The following SERGEF variants were observed in gnomAD, a reference collection of about 807,000 sequenced individuals.
SERGEF encodes the protein secretion-regulating guanine nucleotide exchange factor.
SERGEF carries 51 observed loss-of-function variants against 50.0 expected under a neutral mutation model. The observed-to-expected ratio is 1.02, with a 90% CI of 0.81 to 1.29. SERGEF has a LOEUF of 1.29. SERGEF is among the 50% of genes most tolerant of loss of function. The probability of loss-of-function intolerance (pLI) is 0.00; values close to 1 mark genes in which losing one functional copy is unlikely to be tolerated. For synonymous variants in SERGEF, 205 were observed against 212.4 expected (o/e 0.97, Z 0.30); for missense variants, 521 against 557.0 (o/e 0.94, Z 0.65).
chr11:17,808,279 C>T (rs1430025686), intron 10 of SERGEF, among the ~76,000 whole-genome samples: 1 of 152,192 alleles, frequency 6.6e-6, no homozygotes, highest in Non-Finnish European at 1.5e-5. Flanking sequence ...GTTTAATTGG[C>T]TCACAGTTCT....
chr11:17,917,573 TAAATA>T (rs1852073042), intron 9 of SERGEF, among the ~76,000 whole-genome samples: 1 of 152,076 alleles, frequency 6.6e-6, no homozygotes, highest in Admixed American at 6.5e-5. Flanking sequence ...GAAATATAAA[TAAATA>T]AATGAATAAG....
chr11:17,943,980 T>G (rs545515598), intron 9 of SERGEF, among the ~76,000 whole-genome samples: 1 of 152,306 alleles, frequency 6.6e-6, no homozygotes, highest in East Asian at 1.9e-4. Context: ...CAGGCTAGAG[T>G]GCAGTGGTGC....
chr11:17,953,292 C>T (rs1193685883), intron 9 of SERGEF, among the ~76,000 whole-genome samples: 1 of 152,180 alleles, frequency 6.6e-6, no homozygotes, highest in African/African-American at 2.4e-5. Context: ...GCTTCCCCTA[C>T]CCTAATGCTG....
chr11:17,905,656 C>T (rs1312078629), intron 9 of SERGEF, among the ~76,000 whole-genome samples: 1 of 152,144 alleles, frequency 6.6e-6, no homozygotes, highest in Non-Finnish European at 1.5e-5. Context: ...TCAGAGGTGA[C>T]AGGAGTGAAA....
intron 8 of SERGEF, among the ~76,000 whole-genome samples, chr11:17,962,743 C>A (rs955118102): frequency 1.3e-5 from 2 of 152,166 alleles, no homozygotes; most frequent in East Asian, 3.9e-4. Flanking sequence ...GGAGAAAGAA[C>A]ACCTAAGGGG....
chr11:17,950,380 T>G (rs148784314), intron 9 of SERGEF, among the ~76,000 whole-genome samples: 3 of 152,362 alleles, frequency 2.0e-5, no homozygotes, highest in Non-Finnish European at 4.4e-5. Flanking sequence ...TCTTAAATGC[T>G]TGGCTAAGTT....
At chr11:17,990,835 C>T (rs555265879) in intron 7 of SERGEF, among the ~76,000 whole-genome samples, 49 of 150,744 alleles carry the variant, frequency 3.3e-4, no homozygotes, top group South Asian at 1.1e-3. Flanking sequence ...GGTGTGATCT[C>T]GGCTCACTGC....
intron 4 of SERGEF, among the ~76,000 whole-genome samples, chr11:18,002,272 G>A (rs567720678): frequency 6.6e-6 from 1 of 152,158 alleles, no homozygotes; most frequent in Non-Finnish European, 1.5e-5. Context: ...AGCCACAATT[G>A]TTTCATTTGG....
At chr11:17,886,878 G>T (rs1184537178) in intron 9 of SERGEF, among the ~76,000 whole-genome samples, 1 of 152,156 alleles carries the variant, frequency 6.6e-6, no homozygotes, top group African/African-American at 2.4e-5. Flanking sequence ...GCTTCCTGGG[G>T]CCAAACCTAA....
intron 10 of SERGEF, among the ~76,000 whole-genome samples, chr11:17,849,967 C>T (rs768018096): frequency 2.0e-5 from 3 of 152,018 alleles, no homozygotes; most frequent in Non-Finnish European, 4.4e-5. Flanking sequence ...TTGCTATAAC[C>T]GAATACCACA....
At chr11:17,806,169 T>C (rs535917586) in intron 10 of SERGEF, among the ~76,000 whole-genome samples, 72 of 152,294 alleles carry the variant, frequency 4.7e-4, no homozygotes, top group Non-Finnish European at 6.0e-4. Flanking sequence ...CCCAGCAACA[T>C]GGATGGTTCC....
At chr11:17,951,786 T>G (rs562326371) in intron 9 of SERGEF, among the ~76,000 whole-genome samples, 3 of 152,168 alleles carry the variant, frequency 2.0e-5, no homozygotes, top group Non-Finnish European at 4.4e-5. Context: ...CAGTGACAGC[T>G]TTCTTTCTCA....
chr11:17,878,814 C>T (rs1477362021), intron 9 of SERGEF, among the ~76,000 whole-genome samples: 2 of 152,206 alleles, frequency 1.3e-5, no homozygotes, highest in Non-Finnish European at 2.9e-5. Context: ...CATGCCTCTT[C>T]CTCTACCCAG....
At chr11:17,875,542 C>T (rs1220066791) in intron 10 of SERGEF, among the ~76,000 whole-genome samples, 1 of 152,228 alleles carries the variant, frequency 6.6e-6, no homozygotes, top group Non-Finnish European at 1.5e-5. Flanking sequence ...CTTCTATGTG[C>T]GCTGGGCAGC....
At chr11:17,821,483 A>G (rs1459649715) in intron 10 of SERGEF, among the ~76,000 whole-genome samples, 5 of 152,178 alleles carry the variant, frequency 3.3e-5, no homozygotes, top group Admixed American at 2.6e-4. Flanking sequence ...TTAGCATGGC[A>G]CCAGGTAGAC....
At chr11:18,005,692 G>A (rs368084114) in intron 3 of SERGEF, among the ~76,000 whole-genome samples, 220 of 152,310 alleles carry the variant, frequency 1.4e-3, no homozygotes, top group African/African-American at 5.1e-3. Flanking sequence ...TGAACAGAGA[G>A]GTCAAAACTG....
At chr11:17,919,282 T>C (rs1308187248) in intron 9 of SERGEF, among the ~76,000 whole-genome samples, 1 of 152,062 alleles carries the variant, frequency 6.6e-6, no homozygotes, top group Non-Finnish European at 1.5e-5. Flanking sequence ...GAAGGCTCAA[T>C]ACTGCATCAT....
chr11:17,982,476 G>A lies in SERGEF; in HGVS notation c.844+6121C>T, dbSNP rs1270867857. 2.0e-5 allele frequency among the ~76,000 whole-genome samples: 3 copies of A among 152,126 alleles called. No individual in the cohort carries two copies. The East Asian group carries it at 5.8e-4, about 29-fold the overall frequency. On this transcript the variant is annotated intron_variant, in intron 8 of 10. Transcript: ENST00000265965. ...GCTCAGTTTGACTTTCACTCATGGG[G>A]TTTTCAAAATTCTAAAGCACAAGCA... is the stretch of plus-strand genomic sequence containing the variant.
At position 17,959,613 on chromosome 11, in the gene SERGEF, C is replaced by T. The variant is rs772635047; in HGVS notation, c.868G>A (p.Gly290Ser). 5 of 1,612,610 alleles carry T rather than the reference C, an allele frequency of 3.1e-6. No homozygotes were observed. Among genetic ancestry groups the T allele is most frequent in the Non-Finnish European group, 4.2e-6 (5 of 1,179,502 alleles). ...QTETGKMFTW[G>S]RADYGQLGRK... ...CCTAGCTGACCATAGTCTGCTCGGC[C>T]CCAGGTAAACATCTTGCCAGTTTCT... Residue 290 changes from glycine (G) to serine (S), a missense_variant, in exon 9 of 11, where the codon GGC becomes AGC. Gly to Ser is a moderately conservative substitution (Grantham distance 56). Coordinates refer to ENST00000265965, the MANE Select transcript of SERGEF (RefSeq NM_012139.4).
Sources: allele counts gnomAD v4.1 joint callset (sites outside exome capture counted in the v4.1 genomes callset), GRCh38; gene constraint gnomAD v4.1.1; transcripts MANE v1.5; gene names NCBI Gene and HGNC (gene_info 2026-07-23, HGNC 2026-07-21).